The following RBFOX1 variants were observed in gnomAD, a reference collection of about 807,000 sequenced individuals.
The protein encoded by RBFOX1 is RNA binding protein fox-1 homolog 1.
RBFOX1 carries 8 observed loss-of-function variants against 57.7 expected under a neutral mutation model. The observed-to-expected ratio is 0.14, with a 90% CI of 0.08 to 0.25. The LOEUF (loss-of-function observed/expected upper bound fraction) is 0.25, where lower values mean the gene tolerates loss of function less well. Among genes scored for constraint, RBFOX1 ranks in the 10% least tolerant of loss-of-function variants. RBFOX1 has a pLI of 1.00. For missense variants in RBFOX1, 611 were observed against 548.5 expected (o/e 1.11, Z -1.14); for synonymous variants, 326 against 222.4 (o/e 1.47, Z -4.15).
At chr16:6,669,747 G>A (rs191852578) in intron 3 of RBFOX1, among the ~76,000 whole-genome samples, 16 of 152,180 alleles carry the variant, frequency 1.1e-4, no homozygotes, top group Admixed American at 7.2e-4. Context: ...GTGCTTTGGA[G>A]GACAGAACCT....
intron 3 of RBFOX1, among the ~76,000 whole-genome samples, chr16:6,949,437 G>T (rs925929722): frequency 6.6e-6 from 1 of 152,170 alleles, no homozygotes; most frequent in Non-Finnish European, 1.5e-5. Flanking sequence ...CACAGGCTGG[G>T]TTGCGTAAGC....
At chr16:5,393,957 G>A (rs2066480795) in intron 1 of RBFOX1, among the ~76,000 whole-genome samples, 1 of 152,124 alleles carries the variant, frequency 6.6e-6, no homozygotes, top group Non-Finnish European at 1.5e-5. Flanking sequence ...CCTCATATAA[G>A]TGGAATCATA....
chr16:6,620,948 A>C (rs1204376607), intron 2 of RBFOX1, among the ~76,000 whole-genome samples: 3 of 152,192 alleles, frequency 2.0e-5, no homozygotes, highest in South Asian at 2.1e-4. Flanking sequence ...ATTCTCTCAC[A>C]ATTTGAGAAG....
At chr16:6,937,827 G>C (rs1052246247) in intron 3 of RBFOX1, among the ~76,000 whole-genome samples, 4 of 151,974 alleles carry the variant, frequency 2.6e-5, no homozygotes, top group African/African-American at 7.3e-5. Flanking sequence ...TTTCTTTTCA[G>C]ACTTAAGGTC....
At chr16:6,417,096 C>G (rs995605912) in intron 2 of RBFOX1, among the ~76,000 whole-genome samples, 3 of 152,318 alleles carry the variant, frequency 2.0e-5, no homozygotes, top group African/African-American at 7.2e-5. Context: ...ACTGCATCCT[C>G]TGCCTCCCGG....
chr16:7,386,025 G>A (rs142664991), intron 4 of RBFOX1, among the ~76,000 whole-genome samples: 4 of 151,470 alleles, frequency 2.6e-5, no homozygotes, highest in African/African-American at 4.8e-5. Context: ...TCCTGACCTC[G>A]TGAACCACAC....
chr16:6,916,595 G>C lies in RBFOX1; in HGVS notation c.-15-135462G>C, dbSNP rs937982817. On this transcript the variant is annotated intron_variant, in intron 3 of 15. Coordinates refer to ENST00000550418, the MANE Select transcript of RBFOX1 (RefSeq NM_018723.4). ...ATCATCGTGACCTACACACTTGTAAGGCCTTCCATCTTGCAACGCTATTGG... is the reference window on the plus strand; with the variant it reads ...ATCATCGTGACCTACACACTTGTAACGCCTTCCATCTTGCAACGCTATTGG... Among the ~76,000 whole-genome samples, 3 of 151,912 alleles carry C rather than the reference G, an allele frequency of 2.0e-5. No homozygotes were observed. In the East Asian group the frequency reaches 5.8e-4, roughly 29 times the overall value.
chr16:5,545,752 CTGAA>C (rs1233049148), intron 2 of RBFOX1, among the ~76,000 whole-genome samples: 4 of 152,070 alleles, frequency 2.6e-5, no homozygotes, highest in Non-Finnish European at 4.4e-5. Flanking sequence ...TAGTGAAAGA[CTGAA>C]TGCTTTCTGC....
chr16:6,492,758 C>G (rs564650127), intron 2 of RBFOX1, among the ~76,000 whole-genome samples: 1 of 152,048 alleles, frequency 6.6e-6, no homozygotes, highest in Non-Finnish European at 1.5e-5. Flanking sequence ...GTCAAGGACC[C>G]TTGTAGGAAT....
chr16:7,237,939 G>A (rs1474854436), intron 4 of RBFOX1, among the ~76,000 whole-genome samples: 5 of 152,232 alleles, frequency 3.3e-5, no homozygotes, highest in Non-Finnish European at 7.3e-5. Context: ...TGGAGATGGA[G>A]GTTACAGTGA....
chr16:6,991,070 G>C (rs2091345834), intron 3 of RBFOX1, among the ~76,000 whole-genome samples: 1 of 145,840 alleles, frequency 6.9e-6, no homozygotes, highest in African/African-American at 2.5e-5. Context: ...GGGAGGCCAA[G>C]GTGGGTGGCC....
intron 2 of RBFOX1, among the ~76,000 whole-genome samples, chr16:6,499,788 T>C (rs2095863750): frequency 6.6e-6 from 1 of 152,168 alleles, no homozygotes; most frequent in South Asian, 2.1e-4. Flanking sequence ...ATGGTTTGTG[T>C]CCCAGTCTCC....
chr16:6,773,636 GTGTA>G (rs2078820633), intron 3 of RBFOX1, among the ~76,000 whole-genome samples: 1 of 140,720 alleles, frequency 7.1e-6, no homozygotes, highest in African/African-American at 2.7e-5. Flanking sequence ...GCATTTGTGT[GTGTA>G]TGTGTGGGTG....
At chr16:5,399,837 AAAGATGATTGGTTTTG>A (rs1463407113) in intron 1 of RBFOX1, among the ~76,000 whole-genome samples, 4 of 152,060 alleles carry the variant, frequency 2.6e-5, no homozygotes, top group African/African-American at 9.7e-5. Context: ...GTGAACTGTT[AAAGATGATTGGTTTTG>A]AAGATCAAAA....
chr16:5,246,037 A>T (rs1311797003), intron 1 of RBFOX1, among the ~76,000 whole-genome samples: 6 of 152,176 alleles, frequency 3.9e-5, no homozygotes, highest in Non-Finnish European at 8.8e-5. Flanking sequence ...CAAGGGCAGG[A>T]GTTCAAGACC....
chr16:6,499,985 G>A (rs540048400), intron 2 of RBFOX1, among the ~76,000 whole-genome samples: 1 of 152,246 alleles, frequency 6.6e-6, no homozygotes, highest in East Asian at 1.9e-4. Context: ...AGGGCTTTCA[G>A]CATTTTTTGG....
chr16:5,281,365 T>C (rs537549689), intron 1 of RBFOX1, among the ~76,000 whole-genome samples: 82 of 152,332 alleles, frequency 5.4e-4, no homozygotes, highest in African/African-American at 2.0e-3. Context: ...TCCTGGAGAA[T>C]GTTCCATGTG....
At chr16:5,935,783 C>T (rs962714773) in intron 4 of RBFOX1, among the ~76,000 whole-genome samples, 10 of 152,218 alleles carry the variant, frequency 6.6e-5, no homozygotes, top group Non-Finnish European at 1.3e-4. Flanking sequence ...GTTTCAAATT[C>T]AAGTCTCCAC....
intron 2 of RBFOX1, among the ~76,000 whole-genome samples, chr16:6,329,913 G>A (rs1298581935): frequency 6.6e-6 from 1 of 152,120 alleles, no homozygotes; most frequent in East Asian, 1.9e-4. Context: ...ACTCCAGCCT[G>A]GGTGACAGAA....
Sources: gnomAD v4.1 joint callset for allele counts (sites outside exome capture counted in the v4.1 genomes callset) on GRCh38, gnomAD v4.1.1 for gene constraint, MANE v1.5 for transcripts, NCBI Gene and HGNC (gene_info 2026-07-23, HGNC 2026-07-21) for gene names.